Variants in KCNIP4 observed in about 807,000 individuals in gnomAD.
KCNIP4 encodes the protein Kv channel-interacting protein 4.
Under a neutral mutation model 34.0 loss-of-function variants are expected in KCNIP4, and 12 were observed. That is an observed-to-expected ratio of 0.35 (90% CI 0.23 to 0.57). The LOEUF is 0.57. Among genes scored for constraint, KCNIP4 ranks in the 20% least tolerant of loss-of-function variants. KCNIP4 has a pLI of 0.83. For synonymous variants in KCNIP4, 124 were observed against 102.2 expected (o/e 1.21, Z -1.29); for missense variants, 238 against 311.7 (o/e 0.76, Z 1.78).
At chr4:20,895,647 T>G (rs1193450794) in intron 1 of KCNIP4, among the ~76,000 whole-genome samples, 4 of 152,242 alleles carry the variant, frequency 2.6e-5, no homozygotes, top group Admixed American at 1.3e-4. Context: ...ATTCATTAAT[T>G]TAACCAATAA....
At chr4:21,166,765 C>T (rs1293719632) in intron 1 of KCNIP4, among the ~76,000 whole-genome samples, 1 of 151,660 alleles carries the variant, frequency 6.6e-6, no homozygotes, top group Non-Finnish European at 1.5e-5. Flanking sequence ...ATGGCAAAAC[C>T]CCGTCTCTGC....
chr4:21,062,706 T>A (rs1273037238), intron 1 of KCNIP4, among the ~76,000 whole-genome samples: 1 of 152,106 alleles, frequency 6.6e-6, no homozygotes. Flanking sequence ...GCAGAGCCAA[T>A]CTTTCAACTT....
intron 1 of KCNIP4, among the ~76,000 whole-genome samples, chr4:21,011,587 G>C (rs1739073184): frequency 6.6e-6 from 1 of 152,144 alleles, no homozygotes; most frequent in Non-Finnish European, 1.5e-5. Context: ...CCAGATCACA[G>C]GGCACATATG....
chr4:21,299,467 C>T (rs183045853), intron 1 of KCNIP4, among the ~76,000 whole-genome samples: 2 of 152,006 alleles, frequency 1.3e-5, no homozygotes, highest in African/African-American at 4.8e-5. Context: ...TATGTATTCC[C>T]TTTATTTCAT....
In KCNIP4 at chr4:20,882,691, T is replaced by C; in HGVS notation, c.80A>G (p.Asn27Ser). The C allele has an allele frequency of 1.9e-6, 3 of 1,613,568 alleles. No homozygotes were observed. The highest frequency in any genetic ancestry group is 2.5e-6 in the Non-Finnish European group (3 of 1,179,758). Residue 27 changes from asparagine (N) to serine (S), a missense_variant, in exon 2 of 9, where the codon AAC (asparagine) becomes AGC (serine). Transcript: ENST00000382152. ...SSTGGFLYAQ[N>S]STKRSIKERL... ...CTCTTTAATGCTGCGCTTGGTGCTG[T>C]TCTGAGCGTACAGGAAACCTAGAAG... is the stretch of plus-strand genomic sequence containing the variant.
intron 1 of KCNIP4, among the ~76,000 whole-genome samples, chr4:21,066,418 T>G (rs1352691250): frequency 6.6e-6 from 1 of 152,062 alleles, no homozygotes; most frequent in Non-Finnish European, 1.5e-5. Flanking sequence ...ATCAGGTAAG[T>G]GATCACAGTA....
intron 1 of KCNIP4, among the ~76,000 whole-genome samples, chr4:21,272,872 G>T (rs1762235613): frequency 6.6e-6 from 1 of 152,140 alleles, no homozygotes. Flanking sequence ...AGGGTCAATT[G>T]TCAATTATCT....
intron 1 of KCNIP4, among the ~76,000 whole-genome samples, chr4:21,109,867 T>G (rs75082895): frequency 0.017 from 2,579 of 152,268 alleles, 78 homozygotes; most frequent in African/African-American, 0.057. Flanking sequence ...TTTGCTTACT[T>G]GAAACTACTC....
At chr4:21,543,699 G>A (rs1737890497) in intron 1 of KCNIP4, among the ~76,000 whole-genome samples, 1 of 152,166 alleles carries the variant, frequency 6.6e-6, no homozygotes, top group South Asian at 2.1e-4. Context: ...GTCAGCAGGT[G>A]TAACCTTTGT....
At chr4:21,170,280 G>A (rs952984274) in intron 1 of KCNIP4, among the ~76,000 whole-genome samples, 1 of 152,124 alleles carries the variant, frequency 6.6e-6, no homozygotes, top group East Asian at 1.9e-4. Context: ...ATAAAGGGAA[G>A]TATTTTTATA....
In KCNIP4 at chr4:20,833,366, T is replaced by C. The variant is rs1485286976; in HGVS notation, c.288+17177A>G. Among the ~76,000 whole-genome samples the C allele has an allele frequency of 2.0e-5, 3 of 152,164 alleles. No individual in the cohort carries two copies. In the East Asian group the frequency reaches 5.8e-4, roughly 29 times the overall value. On this transcript the variant is annotated intron_variant, in intron 3 of 8. Coordinates refer to ENST00000382152, the MANE Select transcript of KCNIP4 (RefSeq NM_025221.6). ...TGGGTGTGGTGGCACATGCCTGTAG[T>C]CCCAGCTACTCAGGAGGCTGAGGCA...
intron 2 of KCNIP4, among the ~76,000 whole-genome samples, chr4:20,879,194 G>A (rs1405034789): frequency 2.0e-5 from 3 of 152,150 alleles, no homozygotes; most frequent in East Asian, 1.9e-4. Flanking sequence ...TCACAGCCAA[G>A]GTACTGCTGA....
chr4:21,058,938 G>C (rs778723402), intron 1 of KCNIP4, among the ~76,000 whole-genome samples: 4 of 152,098 alleles, frequency 2.6e-5, no homozygotes, highest in South Asian at 2.1e-4. Flanking sequence ...TGTCATGGGA[G>C]AGACCCAGTG....
intron 1 of KCNIP4, among the ~76,000 whole-genome samples, chr4:21,034,084 A>G (rs1255124904): frequency 6.6e-6 from 1 of 152,238 alleles, no homozygotes; most frequent in Non-Finnish European, 1.5e-5. Context: ...TAGCACACAC[A>G]AAAAAGAGAG....
At chr4:20,772,292 C>T (rs984262405) in intron 3 of KCNIP4, among the ~76,000 whole-genome samples, 1 of 152,044 alleles carries the variant, frequency 6.6e-6, no homozygotes, top group Non-Finnish European at 1.5e-5. Flanking sequence ...ACAAAGTATT[C>T]GTTATTTGTT....
At chr4:21,785,293 G>GAA (rs1180702298) in intron 1 of KCNIP4, among the ~76,000 whole-genome samples, 2 of 143,640 alleles carry the variant, frequency 1.4e-5, no homozygotes, top group Non-Finnish European at 1.5e-5. Context: ...ATATCACTTC[G>GAA]AAAAAAAAAA....
intron 1 of KCNIP4, among the ~76,000 whole-genome samples, chr4:21,766,938 T>C (rs1240019755): frequency 6.6e-6 from 1 of 152,142 alleles, no homozygotes; most frequent in African/African-American, 2.4e-5. Context: ...CCCTGTCCTC[T>C]TGGGGAATGC....
intron 1 of KCNIP4, among the ~76,000 whole-genome samples, chr4:21,699,828 G>C (rs1005191835): frequency 6.6e-6 from 1 of 152,138 alleles, no homozygotes; most frequent in Non-Finnish European, 1.5e-5. Context: ...TAGGGGACTT[G>C]TGTGATCTGC....
chr4:21,347,924 A>T (rs1717617600), intron 1 of KCNIP4, among the ~76,000 whole-genome samples: 1 of 152,194 alleles, frequency 6.6e-6, no homozygotes, highest in Admixed American at 6.5e-5. Flanking sequence ...AGAAAAGCTT[A>T]AAGGCTTCCA....
Sources: allele counts gnomAD v4.1 joint callset (sites outside exome capture counted in the v4.1 genomes callset), GRCh38; gene constraint gnomAD v4.1.1; transcripts MANE v1.5; gene names NCBI Gene and HGNC (gene_info 2026-07-23, HGNC 2026-07-21).